Variants in ATXN1 observed in about 807,000 individuals in gnomAD.
The protein encoded by ATXN1 is ataxin 1, also known as ataxin-1.
Under a neutral mutation model 56.4 loss-of-function variants are expected in ATXN1, and 8 were observed. That is an observed-to-expected ratio of 0.14 (90% CI 0.08 to 0.26). The LOEUF (loss-of-function observed/expected upper bound fraction) is 0.26. Among genes scored for constraint, ATXN1 ranks in the 10% least tolerant of loss-of-function variants. ATXN1 has a pLI of 1.00. For synonymous variants in ATXN1, 514 were observed against 494.6 expected, an observed-to-expected ratio of 1.04 and a Z score of -0.52; for missense variants, 987 against 1,106.5, an observed-to-expected ratio of 0.89 and a Z score of 1.53.
Position 16,392,017 on chromosome 6 carries a change from A to G in ATXN1, c.-160-63547T>C, listed in dbSNP as rs1758363639. On this transcript the variant is annotated intron_variant, in intron 6 of 7. Coordinates refer to ENST00000436367, the MANE Select transcript of ATXN1 (RefSeq NM_001128164.2). ...AACTATGCAATAATTAGGGGCAGGC[A>G]CCAGGAGGCAGAGAAACAGAGCTGG... 2.6e-5 allele frequency among the ~76,000 whole-genome samples: 4 copies of G among 152,302 alleles called. No individual in the cohort carries two copies. The South Asian group carries it at 6.2e-4, about 24-fold the overall frequency.
At chr6:16,375,736 GCT>G (rs745327673) in intron 6 of ATXN1, among the ~76,000 whole-genome samples, 3 of 151,790 alleles carry the variant, frequency 2.0e-5, no homozygotes, top group Non-Finnish European at 4.4e-5. Context: ...CCCAAATTTA[GCT>G]CTGTGTGCCC....
chr6:16,377,397 C>A (rs775603158), intron 6 of ATXN1, among the ~76,000 whole-genome samples: 1 of 152,128 alleles, frequency 6.6e-6, no homozygotes, highest in African/African-American at 2.4e-5. Context: ...TATGAGCCTG[C>A]TTTTCTGTGT....
chr6:16,662,608 A>C lies in ATXN1; in HGVS notation c.-614-4707T>G, dbSNP rs149050173. On this transcript the variant is annotated intron_variant, in intron 2 of 7. Coordinates refer to ENST00000436367, the MANE Select transcript of ATXN1 (RefSeq NM_001128164.2). ...CTCGGCCTCCCAAAGTGCTGGGATT[A>C]CAGGCGTGGGCCACTGCACCCGGCC... Among the ~76,000 whole-genome samples the C allele has an allele frequency of 1.2e-4, 18 of 152,362 alleles. No individual in the cohort carries two copies. In the East Asian group the frequency reaches 3.5e-3, roughly 29 times the overall value.
intron 6 of ATXN1, among the ~76,000 whole-genome samples, chr6:16,461,964 T>C (rs1760008092): frequency 6.6e-6 from 1 of 152,234 alleles, no homozygotes. Flanking sequence ...TATGAAGTGC[T>C]GTATGGATGA....
intron 6 of ATXN1, among the ~76,000 whole-genome samples, chr6:16,397,699 T>C (rs937941003): frequency 6.6e-6 from 1 of 152,238 alleles, no homozygotes. Context: ...ACCAAATCAT[T>C]GCTGTCCAGA....
At position 16,561,164 on chromosome 6, in the gene ATXN1, A is replaced by T. The variant is rs1395716354; in HGVS notation, c.-361+24616T>A. On this transcript the variant is annotated intron_variant, in intron 4 of 7. Coordinates refer to ENST00000436367, the MANE Select transcript of ATXN1 (RefSeq NM_001128164.2). The stretch of plus-strand genomic sequence containing the variant: ...ATCCCTGATGCCTTGGGTATCCAGT[A>T]TGCAGTATATCTGATACAAGAGATT... 2.0e-5 allele frequency among the ~76,000 whole-genome samples: 3 copies of T among 152,164 alleles called. No individual in the cohort carries two copies. In the East Asian group the frequency reaches 5.8e-4, roughly 29 times the overall value.
chr6:16,741,359 C>A (rs866042770), intron 2 of ATXN1, among the ~76,000 whole-genome samples: 17 of 152,098 alleles, frequency 1.1e-4, no homozygotes, highest in African/African-American at 3.4e-4. Flanking sequence ...CTGCAGAATA[C>A]CATCAAGAGA....
At chr6:16,660,148 T>G (rs1758286692) in intron 2 of ATXN1, among the ~76,000 whole-genome samples, 2 of 152,236 alleles carry the variant, frequency 1.3e-5, no homozygotes, top group Admixed American at 1.3e-4. Context: ...TCAATATGCT[T>G]CCCTCTTTCA....
At chr6:16,418,547 T>G (rs9370894) in intron 6 of ATXN1, among the ~76,000 whole-genome samples, 22,183 of 151,960 alleles carry the variant, frequency 0.15, 1,834 homozygotes, top group East Asian at 0.33. Context: ...GCAATACTCC[T>G]TTTTTTTATT....
intron 6 of ATXN1, among the ~76,000 whole-genome samples, chr6:16,358,328 C>T (rs904404820): frequency 2.0e-5 from 3 of 152,106 alleles, no homozygotes; most frequent in African/African-American, 7.2e-5. Context: ...CCAGAGGAGA[C>T]GTCTTATGAA....
At chr6:16,538,820 G>C (rs1761656637) in intron 4 of ATXN1, among the ~76,000 whole-genome samples, 1 of 152,198 alleles carries the variant, frequency 6.6e-6, no homozygotes, top group East Asian at 1.9e-4. Context: ...CAAGTAGCTG[G>C]GACTACAGGC....
intron 6 of ATXN1, among the ~76,000 whole-genome samples, chr6:16,447,222 T>G (rs142040013): frequency 0.024 from 3,585 of 152,252 alleles, 50 homozygotes; most frequent in Middle Eastern, 0.034. Context: ...TTTTAAAAAT[T>G]TTTAATTAAT....
chr6:16,436,623 G>A (rs922175977), intron 6 of ATXN1, among the ~76,000 whole-genome samples: 1 of 152,068 alleles, frequency 6.6e-6, no homozygotes, highest in African/African-American at 2.4e-5. Flanking sequence ...AAGGTACCAA[G>A]GTCCTGGGGT....
chr6:16,683,857 T>C (rs1045132549), intron 2 of ATXN1, among the ~76,000 whole-genome samples: 16 of 152,200 alleles, frequency 1.1e-4, no homozygotes, highest in Non-Finnish European at 1.9e-4. Context: ...CCCTGAGATA[T>C]TATCTGTGCC....
intron 3 of ATXN1, among the ~76,000 whole-genome samples, chr6:16,635,658 G>A (rs1008082973): frequency 3.9e-5 from 6 of 152,206 alleles, no homozygotes; most frequent in African/African-American, 1.2e-4. Flanking sequence ...AAACACAGTC[G>A]TTATCTGATT....
intron 5 of ATXN1, among the ~76,000 whole-genome samples, chr6:16,515,822 G>C (rs1053013170): frequency 3.3e-5 from 5 of 152,208 alleles, no homozygotes; most frequent in African/African-American, 1.2e-4. Context: ...GATGCAGGAG[G>C]GGGATGGTAT....
intron 2 of ATXN1, among the ~76,000 whole-genome samples, chr6:16,736,266 G>A (rs1034592): frequency 0.64 from 97,597 of 152,048 alleles, 31,872 homozygotes; most frequent in East Asian, 0.85. Flanking sequence ...AAACATAAAG[G>A]AACTGACAAC....
intron 6 of ATXN1, among the ~76,000 whole-genome samples, chr6:16,453,642 G>A (rs1341635157): frequency 6.6e-6 from 1 of 151,954 alleles, no homozygotes; most frequent in African/African-American, 2.4e-5. Flanking sequence ...AATGAAAGAG[G>A]GTAAGAAAGA....
chr6:16,498,674 A>C (rs1760822799), intron 5 of ATXN1, among the ~76,000 whole-genome samples: 1 of 152,238 alleles, frequency 6.6e-6, no homozygotes, highest in Non-Finnish European at 1.5e-5. Context: ...TTTTAAAAAA[A>C]TTATGGCCAT....
Sources: gnomAD v4.1 joint callset for allele counts (sites outside exome capture counted in the v4.1 genomes callset) on GRCh38, gnomAD v4.1.1 for gene constraint, MANE v1.5 for transcripts, NCBI Gene and HGNC (gene_info 2026-07-23, HGNC 2026-07-21) for gene names.